Variants in RAPGEF6 observed in about 807,000 individuals in gnomAD.
RAPGEF6 encodes Rap guanine nucleotide exchange factor 6.
In RAPGEF6, 56 loss-of-function variants were observed where a neutral mutation model predicts 171.4. The ratio of observed to expected loss-of-function variants is 0.33; its 90% CI spans 0.26 to 0.41. The LOEUF is 0.41. Among genes scored for constraint, RAPGEF6 ranks in the 10% least tolerant of loss-of-function variants. RAPGEF6 has a pLI of 1.00. For synonymous variants in RAPGEF6, 692 were observed against 650.1 expected, an observed-to-expected ratio of 1.06 and a Z score of -0.98; for missense variants, 1,674 against 1,921.4, an observed-to-expected ratio of 0.87 and a Z score of 2.41.
chr5:131,447,006 T>C (rs17167760), intron 21 of RAPGEF6: 61,090 of 268,104 alleles, frequency 0.23, 7,618 homozygotes, highest in East Asian at 0.49. Context: ...GAAAAAGCAT[T>C]CCTCTGGTCC....
At chr5:131,581,568 G>A (rs4706026) in intron 4 of RAPGEF6, among the ~76,000 whole-genome samples, 19,036 of 151,774 alleles carry the variant, frequency 0.13, 1,527 homozygotes, top group Middle Eastern at 0.19. Context: ...TTAGGTTCCC[G>A]TGCCGCCCCT....
intron 1 of RAPGEF6, among the ~76,000 whole-genome samples, chr5:131,623,796 T>C (rs1352000032): frequency 6.6e-6 from 1 of 152,220 alleles, no homozygotes; most frequent in Admixed American, 6.5e-5. Flanking sequence ...TGATTTTCTT[T>C]TTAAAGTCAC....
Position 131,431,123 on chromosome 5 carries a change from C to T in RAPGEF6, c.4201G>A (p.Ala1401Thr). The change falls in exon 26 of 28, where the codon GCT (alanine) becomes ACT (threonine). Residue 1401 changes from alanine to threonine, a missense_variant. Ala to Thr is a moderately conservative substitution (Grantham distance 58). Transcript: ENST00000509018. ...YRHTHLDDPI[A>T]EVEPTDSEPY... ...TCAGAGTCAGTGGGTTCAACTTCAG[C>T]AATGGGGTCATCCAAATGGGTATGT... 3 of 1,614,192 alleles carry T rather than the reference C, an allele frequency of 1.9e-6. No individual in the cohort carries two copies. Among genetic ancestry groups the T allele is most frequent in the Non-Finnish European group, 2.5e-6 (3 of 1,180,034 alleles).
At chr5:131,573,218 C>A (rs146625661) in intron 4 of RAPGEF6, among the ~76,000 whole-genome samples, 1 of 152,128 alleles carries the variant, frequency 6.6e-6, no homozygotes, top group Non-Finnish European at 1.5e-5. Flanking sequence ...CCTTCCATTA[C>A]CTCCCCTCCT....
At position 131,495,542 on chromosome 5, in the gene RAPGEF6, T is replaced by C; in HGVS notation, c.1527+11A>G. ...TACACTCTGAAGAATAGAAATTATT[T>C]TGAGCCTTACTGTATCTTCCAGATT... is the stretch of plus-strand genomic sequence containing the variant. On this transcript the variant is annotated intron_variant, in intron 13 of 27. Transcript: ENST00000509018. The C allele has an allele frequency of 6.2e-7, 1 of 1,607,274 alleles. No homozygotes were observed. Among genetic ancestry groups the C allele is most frequent in the Non-Finnish European group, 8.5e-7 (1 of 1,174,198 alleles).
intron 1 of RAPGEF6, among the ~76,000 whole-genome samples, chr5:131,607,851 A>G (rs781159811): frequency 2.6e-5 from 4 of 152,232 alleles, no homozygotes; most frequent in Non-Finnish European, 4.4e-5. Flanking sequence ...CTTTAGGTCA[A>G]GATAAAATAA....
chr5:131,463,778 A>G, intron 18 of RAPGEF6: 1 of 1,072,054 alleles, frequency 9.3e-7, no homozygotes, highest in East Asian at 6.2e-5. Context: ...AAACAAATTT[A>G]TAAATTAGTA....
chr5:131,617,238 A>G (rs575176092), intron 1 of RAPGEF6, among the ~76,000 whole-genome samples: 17 of 152,236 alleles, frequency 1.1e-4, no homozygotes, highest in Admixed American at 9.8e-4. Flanking sequence ...TGAGCCCAGA[A>G]GTAGGAGGCC....
chr5:131,523,279 C>CT (rs1171953953), intron 6 of RAPGEF6, among the ~76,000 whole-genome samples: 1,636 of 66,630 alleles, frequency 0.025, 133 homozygotes, highest in African/African-American at 0.069. Flanking sequence ...CTGTTGTATG[C>CT]TTTTTTTTTT....
Position 131,445,124 on chromosome 5 carries a change from T to A in RAPGEF6, c.3421+1359A>T, listed in dbSNP as rs1328612263. On this transcript the variant is annotated intron_variant, in intron 22 of 27. Transcript: ENST00000509018. ...CAGGGACTAAAGATGAAGAAAACCTTACTCAAATGTAATAAATGAAACTCA... is the reference window on the plus strand; with the variant it reads ...CAGGGACTAAAGATGAAGAAAACCTAACTCAAATGTAATAAATGAAACTCA... Among the ~76,000 whole-genome samples, 3 of 152,200 alleles carry A rather than the reference T, an allele frequency of 2.0e-5. No homozygotes were observed. In the East Asian group the frequency reaches 5.8e-4, roughly 29 times the overall value.
At chr5:131,516,509 T>G (rs6895820) in intron 7 of RAPGEF6, among the ~76,000 whole-genome samples, 2 of 151,938 alleles carry the variant, frequency 1.3e-5, no homozygotes, top group African/African-American at 4.8e-5. Flanking sequence ...GTAACTGAAG[T>G]CTTGGGATTT....
chr5:131,449,669 C>T (rs1344149314), intron 21 of RAPGEF6, among the ~76,000 whole-genome samples: 1 of 152,116 alleles, frequency 6.6e-6, no homozygotes, highest in Non-Finnish European at 1.5e-5. Flanking sequence ...AAAGTATCTC[C>T]TTTATAGGGT....
chr5:131,478,944 G>T (rs551210394), intron 16 of RAPGEF6, among the ~76,000 whole-genome samples: 1 of 152,240 alleles, frequency 6.6e-6, no homozygotes, highest in African/African-American at 2.4e-5. Flanking sequence ...TTTTGTAATT[G>T]CTTCAGGAAG....
At chr5:131,547,102 C>T (rs1161339149) in intron 6 of RAPGEF6, among the ~76,000 whole-genome samples, 1 of 152,162 alleles carries the variant, frequency 6.6e-6, no homozygotes, top group Non-Finnish European at 1.5e-5. Context: ...TGTATTGAAT[C>T]AATGCAATTA....
chr5:131,584,788 A>T (rs926151652), intron 4 of RAPGEF6, among the ~76,000 whole-genome samples: 2 of 152,190 alleles, frequency 1.3e-5, no homozygotes, highest in Non-Finnish European at 2.9e-5. Flanking sequence ...TCCTTAAAAA[A>T]TCCTAACCTC....
At chr5:131,469,900 T>A in intron 17 of RAPGEF6, 1 of 1,042,128 alleles carries the variant, frequency 9.6e-7, no homozygotes, top group South Asian at 1.5e-5. Flanking sequence ...CACTTTCATT[T>A]TGATCTAGTA....
chr5:131,473,982 T>A (rs991845997), intron 16 of RAPGEF6, among the ~76,000 whole-genome samples: 1 of 152,214 alleles, frequency 6.6e-6, no homozygotes, highest in Non-Finnish European at 1.5e-5. Flanking sequence ...CAGACAGACC[T>A]GAGCTACTAG....
chr5:131,473,533 G>T (rs1368761042), intron 16 of RAPGEF6, among the ~76,000 whole-genome samples: 2 of 152,038 alleles, frequency 1.3e-5, no homozygotes, highest in African/African-American at 4.8e-5. Flanking sequence ...ACATAAGATA[G>T]CAGTGAAAAA....
At chr5:131,518,399 AT>A (rs11436573) in intron 7 of RAPGEF6, among the ~76,000 whole-genome samples, 40 of 144,742 alleles carry the variant, frequency 2.8e-4, no homozygotes, top group East Asian at 4.0e-4. Flanking sequence ...AGAGTTTGAA[AT>A]TTTTTTTTTT....
Sources: gnomAD v4.1 joint callset for allele counts (sites outside exome capture counted in the v4.1 genomes callset) on GRCh38, gnomAD v4.1.1 for gene constraint, MANE v1.5 for transcripts, NCBI Gene and HGNC (gene_info 2026-07-23, HGNC 2026-07-21) for gene names.